GLP2R: variants seen among roughly 807,000 people sequenced by gnomAD.
GLP2R encodes the protein glucagon-like peptide 2 receptor.
GLP2R carries 59 observed loss-of-function variants against 68.2 expected under a neutral mutation model. That is an observed-to-expected ratio of 0.87 (90% confidence interval 0.70 to 1.07). The LOEUF (loss-of-function observed/expected upper bound fraction) is 1.07, where lower values mean the gene tolerates loss of function less well. Among genes scored for constraint, GLP2R ranks in the 50% least tolerant of loss-of-function variants. GLP2R has a pLI of 0.00. For missense variants in GLP2R, 548 were observed against 677.4 expected, an observed-to-expected ratio of 0.81 and a Z score of 2.12; for synonymous variants, 270 against 265.4, an observed-to-expected ratio of 1.02 and a Z score of -0.17.
At chr17:9,830,960 T>G (rs543379144) in intron 1 of GLP2R, among the ~76,000 whole-genome samples, 1 of 152,376 alleles carries the variant, frequency 6.6e-6, no homozygotes, top group South Asian at 2.1e-4. Context: ...TTAAGTTGTT[T>G]GGACTTACTT....
intron 3 of GLP2R, among the ~76,000 whole-genome samples, chr17:9,840,953 G>T (rs2066780568): frequency 2.0e-5 from 3 of 151,934 alleles, no homozygotes; most frequent in Admixed American, 2.0e-4. Flanking sequence ...TTCGTGAAAG[G>T]CCAGAAGACT....
rs763725104 is a variant in GLP2R at position 9,861,177 on chromosome 17, C to T, written c.964C>T (p.Arg322Cys). Residue 322 changes from arginine (R) to cysteine (C), a missense_variant, in exon 8 of 13, where the codon CGT (arginine) becomes TGT (cysteine). Transcript: ENST00000262441. ...VLFVVPWGFA[R>C]AHLENTGCWT... is the part of the protein sequence containing the mutation. ...ATTTGTTGTACCCTGGGGTTTCGCC[C>T]GTGCACACCTGGAGAACACAGGGTA... The T allele has an allele frequency of 5.6e-6, 9 of 1,612,748 alleles. No homozygotes were observed. The highest frequency in any genetic ancestry group is 4.5e-5 in the East Asian group (2 of 44,880).
chr17:9,829,228 A>G (rs1328445212), intron 1 of GLP2R, among the ~76,000 whole-genome samples: 1 of 152,214 alleles, frequency 6.6e-6, no homozygotes. Flanking sequence ...TTTGGCATCA[A>G]AAACATAAAC....
At chr17:9,856,860 G>A (rs559901507) in intron 5 of GLP2R, among the ~76,000 whole-genome samples, 1 of 152,248 alleles carries the variant, frequency 6.6e-6, no homozygotes, top group African/African-American at 2.4e-5. Flanking sequence ...ATACTCAAAT[G>A]TAGCTGCATA....
chr17:9,879,850 C>G (rs970502528), intron 10 of GLP2R, among the ~76,000 whole-genome samples: 1 of 152,128 alleles, frequency 6.6e-6, no homozygotes, highest in Non-Finnish European at 1.5e-5. Flanking sequence ...GTCTGCAGGT[C>G]GGAACTGCAG....
chr17:9,882,778 CAG>C (rs2067208474), intron 11 of GLP2R, among the ~76,000 whole-genome samples: 1 of 152,090 alleles, frequency 6.6e-6, no homozygotes, highest in East Asian at 1.9e-4. Flanking sequence ...TTTAAATGAG[CAG>C]AGACATCACT....
At chr17:9,845,010 C>T (rs1205746184) in intron 4 of GLP2R, among the ~76,000 whole-genome samples, 1 of 151,418 alleles carries the variant, frequency 6.6e-6, no homozygotes, top group Admixed American at 6.6e-5. Context: ...TAATTCTGTG[C>T]CCTAATTTGA....
At position 9,877,665 on chromosome 17, in the gene GLP2R, G is replaced by A. The variant is rs537412001; in HGVS notation, c.1146-2713G>A. Among the ~76,000 whole-genome samples the A allele has an allele frequency of 2.6e-3, 395 of 152,114 alleles. 3 individuals carry two copies. Among genetic ancestry groups the A allele is most frequent in the African/African-American group, 9.1e-3 (378 of 41,490 alleles). ...AGCACTTTGGGAGGCCGAGGCGGGCGGATCACAAGGTCAGGAGATCGAGAC... is the reference window on the plus strand; with the variant it reads ...AGCACTTTGGGAGGCCGAGGCGGGCAGATCACAAGGTCAGGAGATCGAGAC... On this transcript the variant is annotated intron_variant, in intron 10 of 12. Coordinates refer to ENST00000262441, the MANE Select transcript of GLP2R (RefSeq NM_004246.3).
intron 5 of GLP2R, among the ~76,000 whole-genome samples, chr17:9,855,830 T>C (rs1477610428): frequency 6.6e-6 from 1 of 152,238 alleles, no homozygotes; most frequent in Non-Finnish European, 1.5e-5. Context: ...TTTCACTCCC[T>C]AAACTTTCAG....
intron 1 of GLP2R, 145 bp from the exon 2 acceptor site, chr17:9,833,662 C>T: frequency 1.7e-6 from 1 of 602,384 alleles, no homozygotes; most frequent in Non-Finnish European, 3.0e-6. Context: ...TAAGATAGAA[C>T]ATAAGATGCT....
intron 9 of GLP2R, among the ~76,000 whole-genome samples, chr17:9,869,083 T>A (rs960376052): frequency 6.6e-5 from 10 of 152,232 alleles, no homozygotes; most frequent in Middle Eastern, 3.2e-3. Flanking sequence ...AAAGATCATT[T>A]GACTCATACT....
Position 9,839,671 on chromosome 17 carries a change from G to A in GLP2R, c.383-2824G>A, listed in dbSNP as rs144604426. 7.9e-5 allele frequency among the ~76,000 whole-genome samples: 12 copies of A among 152,190 alleles called. No homozygotes were observed. In the East Asian group the frequency reaches 1.6e-3, roughly 20 times the overall value. On this transcript the variant is annotated intron_variant, in intron 3 of 12. Transcript: ENST00000262441. ...TCACATTCTGTCTCCCCAGCATCAC[G>A]ACTCCTACAAATGGCATGCAAGACC...
intron 4 of GLP2R, among the ~76,000 whole-genome samples, chr17:9,846,123 G>A (rs895189877): frequency 2.6e-5 from 4 of 152,014 alleles, no homozygotes; most frequent in East Asian, 3.9e-4. Context: ...TTTTCATCAC[G>A]GTTTCAACTT....
intron 3 of GLP2R, among the ~76,000 whole-genome samples, chr17:9,840,358 C>G (rs962904318): frequency 6.6e-6 from 1 of 152,224 alleles, no homozygotes; most frequent in African/African-American, 2.4e-5. Context: ...ACTCCCCCAG[C>G]CAGAGCTGAG....
chr17:9,870,722 A>T, intron 9 of GLP2R, 25 bp from the exon 10 acceptor site: 1 of 1,079,184 alleles, frequency 9.3e-7, no homozygotes, highest in Non-Finnish European at 1.4e-6. Context: ...TCACTTACTT[A>T]CCCAATTCTG....
At chr17:9,853,127 G>A (rs150218336) in intron 4 of GLP2R, 46 of 510,548 alleles carry the variant, frequency 9.0e-5, no homozygotes, top group East Asian at 8.8e-4. Context: ...TTGTCTCTGC[G>A]TCAACAATGT....
chr17:9,873,555 A>ATTTTTTTTTTTTTTTTTTTTT (rs1359984269), intron 10 of GLP2R, among the ~76,000 whole-genome samples: 2 of 30,014 alleles, frequency 6.7e-5, no homozygotes, highest in Non-Finnish European at 1.1e-4. Context: ...CTATGCATGG[A>ATTTTTTTTTTTTTTTTTTTTT]CTTTTTTTTT....
At position 9,857,486 on chromosome 17, in the gene GLP2R, C is replaced by A. The variant is rs1399667865; in HGVS notation, c.675C>A (p.Thr225=). ...TGTTTGCTTCTTTCATCCTGAGAAC[C>A]CTGGCTGTACTGGTGAAGGACGTCG... ...MNLFASFILR[T]LAVLVKDVVF... The change falls in exon 6 of 13, where the codon ACC becomes ACA. Residue 225 remains threonine, a synonymous_variant. Coordinates refer to ENST00000262441, the MANE Select transcript of GLP2R (RefSeq NM_004246.3). 6.2e-7 allele frequency: 1 copy of A among 1,614,014 alleles called. No homozygotes were observed. Among genetic ancestry groups the A allele is most frequent in the African/African-American group, 1.3e-5 (1 of 74,898 alleles).
At position 9,889,414 on chromosome 17, in the gene GLP2R, C is replaced by T; in HGVS notation, c.1371C>T (p.Ala457=). ...LRKYWVRFLL[A]RHSGCRACVL... is the part of the protein sequence containing the mutation. ...AATACTGGGTCCGCTTCTTGCTAGC[C>T]CGCCACTCAGGCTGCAGAGCCTGTG... is the stretch of plus-strand genomic sequence containing the variant. The change falls in exon 13 of 13, where the codon GCC becomes GCT. Residue 457 remains alanine, a synonymous_variant. Coordinates refer to ENST00000262441, the MANE Select transcript of GLP2R (RefSeq NM_004246.3). 2 of 1,614,112 alleles carry T rather than the reference C, an allele frequency of 1.2e-6. No homozygotes were observed. The highest frequency in any genetic ancestry group is 1.7e-6 in the Non-Finnish European group (2 of 1,179,930).
Sources: allele counts gnomAD v4.1 joint callset (sites outside exome capture counted in the v4.1 genomes callset), GRCh38; gene constraint gnomAD v4.1.1; transcripts MANE v1.5; gene names NCBI Gene and HGNC (gene_info 2026-07-23, HGNC 2026-07-21).